Variants in BTN3A2 observed in about 807,000 individuals in gnomAD.
BTN3A2 encodes butyrophilin subfamily 3 member A2, also known as butyrophilin protein.
A neutral mutation model predicts 37.6 loss-of-function variants in BTN3A2; 25 were observed. The ratio of observed to expected loss-of-function variants is 0.66; its 90% CI spans 0.48 to 0.93. The LOEUF is 0.93. Ranked by LOEUF, BTN3A2 falls within the 40% of genes least tolerant of loss-of-function variation. The pLI, the probability that BTN3A2 is intolerant of heterozygous loss-of-function variation, is 0.00. For synonymous variants in BTN3A2, 122 were observed against 159.4 expected, an observed-to-expected ratio of 0.77 and a Z score of 1.77; for missense variants, 266 against 410.9, an observed-to-expected ratio of 0.65 and a Z score of 3.05.
chr6:26,368,146 T>C (rs772838126), intron 2 of BTN3A2, 32 bp from the exon 3 acceptor site: 3 of 1,610,460 alleles, frequency 1.9e-6, no homozygotes, highest in Non-Finnish European at 2.5e-6. Context: ...ATAGTGTCTG[T>C]CCCACACCTT....
In BTN3A2 at chr6:26,376,363, C is replaced by T; in HGVS notation, c.*601C>T. 6.1e-6 allele frequency: 2 copies of T among 326,818 alleles called. No individual in the cohort carries two copies. Among genetic ancestry groups the T allele is most frequent in the Non-Finnish European group, 5.5e-6 (1 of 180,370 alleles). 20.2% of individuals were successfully genotyped at this position (326,818 alleles called of 1,614,324 possible). The stretch of plus-strand genomic sequence containing the variant: ...GGCCGCATCAGGGTATTGGGTTAGG[C>T]AGATACTGACCTTACTTTCATTTCC... On this transcript the variant is annotated 3_prime_UTR_variant, in exon 11 of 11. Transcript: ENST00000377708.
chr6:26,374,232 A>G, intron 8 of BTN3A2, 95 bp from the exon 9 acceptor site: 4 of 504,312 alleles, frequency 7.9e-6, no homozygotes, highest in African/African-American at 2.2e-5. Flanking sequence ...AAAAAAAAAA[A>G]AAAAAAAAGA....
At position 26,378,246 on chromosome 6, in the gene BTN3A2, G is replaced by C. The variant is rs1415522935; in HGVS notation, c.*2484G>C. 2 of 152,108 alleles carry C rather than the reference G, an allele frequency of 1.3e-5. No individual in the cohort carries two copies. Among genetic ancestry groups the C allele is most frequent in the African/African-American group, 2.4e-5 (1 of 41,394 alleles). 9.4% of individuals were successfully genotyped at this position (152,108 alleles called of 1,614,324 possible). ...ATCATCACTATTATTGCTCACCACT[G>C]TATCCCCTCTACTGGGCAAGTGCTT... On this transcript the variant is annotated 3_prime_UTR_variant, in exon 11 of 11. Coordinates refer to ENST00000377708, the MANE Select transcript of BTN3A2 (RefSeq NM_007047.5).
chr6:26,366,937 T>C (rs73383193), intron 1 of BTN3A2, among the ~76,000 whole-genome samples: 3,480 of 152,346 alleles, frequency 0.023, 97 homozygotes, highest in African/African-American at 0.066. Context: ...ATGAAAATTT[T>C]AAACTTAAAG....
chr6:26,374,372 C>A lies in BTN3A2; in HGVS notation c.*5C>A. 1 of 1,613,658 alleles carries A rather than the reference C, an allele frequency of 6.2e-7. No homozygotes were observed. Among genetic ancestry groups the A allele is most frequent in the East Asian group, 2.2e-5 (1 of 44,872 alleles). On this transcript the variant is annotated splice_region_variant and 3_prime_UTR_variant, in exon 9 of 11. Transcript: ENST00000377708. ...GATACCAATAAGTCAGCCTGATGCT[C>A]TGTAAGTTTGCTGGGTCACATGCCC... is the stretch of plus-strand genomic sequence containing the variant.
At chr6:26,367,430 A>G (rs1420890515) in intron 1 of BTN3A2, among the ~76,000 whole-genome samples, 1 of 152,210 alleles carries the variant, frequency 6.6e-6, no homozygotes, top group Non-Finnish European at 1.5e-5. Context: ...ATTTTTGAGT[A>G]ACTAAAGTTG....
chr6:26,374,295 C>A (rs779932396), intron 8 of BTN3A2, 32 bp from the exon 9 acceptor site: 3 of 1,511,210 alleles, frequency 2.0e-6, no homozygotes, highest in Non-Finnish European at 2.7e-6. Flanking sequence ...AGGCAGAGTT[C>A]TGGTGACACC....
chr6:26,378,167 G>A lies in BTN3A2; in HGVS notation c.*2405G>A, dbSNP rs1030955554. 1.3e-5 allele frequency: 2 copies of A among 152,198 alleles called. No individual in the cohort carries two copies. The highest frequency in any genetic ancestry group is 2.4e-5 in the African/African-American group (1 of 41,438). 9.4% of individuals were successfully genotyped at this position (152,198 alleles called of 1,614,324 possible). On this transcript the variant is annotated 3_prime_UTR_variant, in exon 11 of 11. Coordinates refer to ENST00000377708, the MANE Select transcript of BTN3A2 (RefSeq NM_007047.5). ...TGTCCACTCCTGGTCATTGGTGGATGTTAAACCCATATTCCTTTCAACTGC... is the reference window on the plus strand; with the variant it reads ...TGTCCACTCCTGGTCATTGGTGGATATTAAACCCATATTCCTTTCAACTGC...
rs765112067 is a variant in BTN3A2, at chr6:26,368,172, A to G, written c.-5-6A>G. On this transcript the variant is annotated splice_polypyrimidine_tract_variant and splice_region_variant and intron_variant, in intron 2 of 10. Transcript: ENST00000377708. ...CCCACACCTTCTGGTATCTCTTGAT[A>G]TGCAGCATAGATGAAAATGGCAAGT... 38 of 1,613,930 alleles carry G rather than the reference A, an allele frequency of 2.4e-5. 1 individual carries two copies. In the South Asian group the frequency reaches 4.2e-4, roughly 18 times the overall value.
At chr6:26,373,501 G>GTTGGTCTTGGATCAACCC in intron 8 of BTN3A2, 88 bp downstream of exon 8, 1 of 1,465,774 alleles carries the variant, frequency 6.8e-7, no homozygotes, top group Non-Finnish European at 9.1e-7. Flanking sequence ...ATAGCCCAGG[G>GTTGGTCTTGGATCAACCC]TTGAAAAGTG....
rs9393711 is a variant in BTN3A2 at position 26,370,431 on chromosome 6, C to T, written c.543C>T (p.Asn181=). 0.11 allele frequency: 176,436 copies of T among 1,613,536 alleles called. 10,814 individuals are homozygous for T. The highest frequency in any genetic ancestry group is 0.12 in the Non-Finnish European group (147,042 of 1,179,504). The part of the protein sequence containing the change: ...WYPQPQIQWS[N]AKGENIPAVE... ...CCCAACCCCAAATACAGTGGAGCAA[C>T]GCCAAGGGAGAGAACATCCCAGCTG... Residue 181 remains asparagine, a synonymous_variant, in exon 5 of 11, where the codon AAC becomes AAT. Transcript: ENST00000377708.
At chr6:26,372,075 A>G (rs1161406977) in intron 5 of BTN3A2, among the ~76,000 whole-genome samples, 1 of 152,228 alleles carries the variant, frequency 6.6e-6, no homozygotes, top group Non-Finnish European at 1.5e-5. Flanking sequence ...GGAATACTGC[A>G]CAGTTTGTAA....
chr6:26,365,522 G>A (rs1761980838), intron 1 of BTN3A2, among the ~76,000 whole-genome samples, 170 bp downstream of exon 1: 1 of 147,134 alleles, frequency 6.8e-6, no homozygotes, highest in Non-Finnish European at 1.5e-5. Context: ...GTGTGTACAT[G>A]TGTACATGTG....
chr6:26,377,522 G>C lies in BTN3A2; in HGVS notation c.*1760G>C. ...AGTGCTGTGTTATGAGCTTTGGTGGGTGTCACTCCTTTAATCCTCACAACA... is the reference window on the plus strand; with the variant it reads ...AGTGCTGTGTTATGAGCTTTGGTGGCTGTCACTCCTTTAATCCTCACAACA... On this transcript the variant is annotated 3_prime_UTR_variant, in exon 11 of 11. Transcript: ENST00000377708. 3.3e-6 allele frequency: 1 copy of C among 307,404 alleles called. No homozygotes were observed. Among genetic ancestry groups the C allele is most frequent in the Non-Finnish European group, 6.3e-6 (1 of 159,766 alleles). The allele number at this position is 307,404 out of a possible 1,614,324, so 19.0% of individuals were successfully genotyped here. A position where few individuals can be genotyped will look rare whatever the true frequency, so the allele number is the denominator to read the frequency against.
intron 10 of BTN3A2, chr6:26,375,505 C>T: frequency 1.3e-6 from 1 of 789,434 alleles, no homozygotes; most frequent in Non-Finnish European, 2.0e-6. Context: ...TCCTTCTAAT[C>T]TTCTATCAGG....
chr6:26,371,958 C>G (rs572836471), intron 5 of BTN3A2, among the ~76,000 whole-genome samples: 1 of 152,154 alleles, frequency 6.6e-6, no homozygotes, highest in Admixed American at 6.5e-5. Context: ...GGATTACAGG[C>G]GTGAGCCACT....
Position 26,370,306 on chromosome 6 carries a change from A to C in BTN3A2, c.434-16A>C. The stretch of plus-strand genomic sequence containing the variant: ...CAGGAGCTATCCAGAATTTAGGCCA[A>C]ATTATCCTTCCACAGCACTGGGTTC... On this transcript the variant is annotated splice_polypyrimidine_tract_variant and intron_variant, in intron 4 of 10. Coordinates refer to ENST00000377708, the MANE Select transcript of BTN3A2 (RefSeq NM_007047.5). 1 of 1,612,506 alleles carries C rather than the reference A, an allele frequency of 6.2e-7. No individual in the cohort carries two copies. Among genetic ancestry groups the C allele is most frequent in the Non-Finnish European group, 8.5e-7 (1 of 1,178,582 alleles).
chr6:26,370,421 A>G lies in BTN3A2; in HGVS notation c.533A>G (p.Gln178Arg). Residue 178 changes from glutamine to arginine, a missense_variant, in exon 5 of 11, where the codon CAG becomes CGG. Around this residue, in one of 3 missense-constraint regions of BTN3A2, gnomAD observed 204 missense variants for 232.6 expected, o/e 0.88. Coordinates refer to ENST00000377708, the MANE Select transcript of BTN3A2 (RefSeq NM_007047.5). ...GGCTGGTACCCCCAACCCCAAATAC[A>G]GTGGAGCAACGCCAAGGGAGAGAAC... Reference protein sequence around the residue: ...STGWYPQPQIQWSNAKGENIP... With the variant: ...STGWYPQPQIRWSNAKGENIP... The G allele has an allele frequency of 1.2e-6, 2 of 1,614,202 alleles. No homozygotes were observed. The highest frequency in any genetic ancestry group is 1.1e-5 in the South Asian group (1 of 91,086).
At chr6:26,373,326 C>T in intron 7 of BTN3A2, 30 bp downstream of exon 7, 2 of 1,591,116 alleles carry the variant, frequency 1.3e-6, no homozygotes, top group South Asian at 1.1e-5. Context: ...GAGATCCAGA[C>T]ATGTCTTCCT....
Sources: gnomAD v4.1 joint callset for allele counts (sites outside exome capture counted in the v4.1 genomes callset) on GRCh38, gnomAD v4.1.1 for gene constraint, gnomAD v4.1.1 regional missense constraint, MANE v1.5 for transcripts, NCBI Gene and HGNC (gene_info 2026-07-23, HGNC 2026-07-21) for gene names.